Variants in RNF17 observed in about 807,000 individuals in gnomAD.
The protein encoded by RNF17 is ring finger protein 17.
A neutral mutation model predicts 200.5 loss-of-function variants in RNF17; 31 were observed. That is an observed-to-expected ratio of 0.15 (90% CI 0.12 to 0.21). RNF17 has a LOEUF of 0.21. RNF17 is among the 10% of genes least tolerant of loss of function. The pLI, the probability that RNF17 is intolerant of heterozygous loss-of-function variation, is 1.00. For synonymous variants in RNF17, 606 were observed against 637.8 expected (o/e 0.95, Z 0.75); for missense variants, 1,628 against 1,905.1 (o/e 0.85, Z 2.71).
intron 18 of RNF17, among the ~76,000 whole-genome samples, chr13:24,836,397 A>G (rs559497293): frequency 6.0e-4 from 91 of 152,348 alleles, no homozygotes; most frequent in Non-Finnish European, 1.1e-3. Context: ...ATCTTTGCCC[A>G]GACACATTGT....
At chr13:24,858,956 A>C (rs769913146) in intron 25 of RNF17, 45 bp from the exon 26 acceptor site, 45 of 1,214,366 alleles carry the variant, frequency 3.7e-5, no homozygotes, top group Non-Finnish European at 5.0e-5. Context: ...GACAAATGAT[A>C]GGGAATTTTC....
intron 15 of RNF17, among the ~76,000 whole-genome samples, chr13:24,820,577 A>G (rs1887937582): frequency 1.3e-5 from 2 of 152,012 alleles, no homozygotes. Context: ...CTGGGACTAC[A>G]GGTGCCCACC....
At chr13:24,754,423 T>G in the RNF17 span, among the ~76,000 whole-genome samples, 1 of 152,188 alleles carries the variant, frequency 6.6e-6, no homozygotes, top group Admixed American at 6.5e-5. Context: ...GTTTCTTGCC[T>G]CTGCATCTCT....
rs374437431 is a variant in RNF17 at position 24,774,840 on chromosome 13, C to T, written c.253C>T (p.Arg85Cys). 8.1e-6 allele frequency: 13 copies of T among 1,612,034 alleles called. No individual in the cohort carries two copies. The African/African-American group carries it at 9.4e-5, about 12-fold the overall frequency. Residue 85 changes from arginine (R) to cysteine (C), a missense_variant, in exon 3 of 36, where the codon CGC (arginine) becomes TGC (cysteine). Arg to Cys is a radical substitution (Grantham distance 180, BLOSUM62 -3). Around this residue, in one of 5 missense-constraint regions of RNF17, gnomAD observed 502 missense variants for 501.7 expected, o/e 1.00. Coordinates refer to ENST00000255324, the MANE Select transcript of RNF17 (RefSeq NM_031277.3). ...TGCTACAGCTGTAAATACTAGACAA[C>T]GCTACTACCCAATGGCTGGATATAT... ...EVATAVNTRQ[R>C]YYPMAGYIKE...
rs12865323 is a variant in RNF17 at position 24,799,377 on chromosome 13, G to T, written c.1400-18G>T. On this transcript the variant is annotated intron_variant, in intron 11 of 35. Transcript: ENST00000255324. ...TATTGATAAATGTTTATAACGATTT[G>T]TTTCCCTCATTATTTAGGTGCAAGA... is the stretch of plus-strand genomic sequence containing the variant. The T allele has an allele frequency of 1.3e-6, 2 of 1,577,174 alleles. No individual in the cohort carries two copies. The highest frequency in any genetic ancestry group is 1.1e-5 in the South Asian group (1 of 87,978).
chr13:24,796,253 A>G lies in RNF17; in HGVS notation c.1357A>G (p.Asn453Asp). The change falls in exon 11 of 36, where the codon AAT (asparagine) becomes GAT (aspartate). Residue 453 changes from asparagine (N) to aspartate (D), a missense_variant. Transcript: ENST00000255324. Reference sequence around the variant, plus strand: ...GGAGAAGAAGGTGAATGAATTTTGCAATAGGAGTTCACACCTTGATCCTTC... The same window carrying G: ...GGAGAAGAAGGTGAATGAATTTTGCGATAGGAGTTCACACCTTGATCCTTC... ...VLEKKVNEFC[N>D]RSSHLDPSDI... is the part of the protein sequence containing the mutation. 1.2e-6 allele frequency: 2 copies of G among 1,612,268 alleles called. No homozygotes were observed. The highest frequency in any genetic ancestry group is 1.7e-6 in the Non-Finnish European group (2 of 1,178,822).
Position 24,868,618 on chromosome 13 carries a change from A to G in RNF17, c.4180A>G (p.Thr1394Ala). ...GTTTTAGGAATTGCTTTCGGCTGAA[A>G]CAGACACTCCTCTTTTACCACCATA... The part of the protein sequence containing the change: ...IRFEELLSAE[T>A]DTPLLPPYLS... The change falls in exon 31 of 36, where the codon ACA becomes GCA. Residue 1394 changes from threonine to alanine, a missense_variant. This residue lies in a region of RNF17 where 609 missense variants were observed against 681.9 expected (regional missense o/e 0.89). Transcript: ENST00000255324. 1.9e-6 allele frequency: 3 copies of G among 1,603,012 alleles called. No individual in the cohort carries two copies. Among genetic ancestry groups the G allele is most frequent in the Non-Finnish European group, 2.6e-6 (3 of 1,169,994 alleles).
At chr13:24,811,079 T>C (rs1351265979) in intron 15 of RNF17, among the ~76,000 whole-genome samples, 1 of 152,058 alleles carries the variant, frequency 6.6e-6, no homozygotes, top group Non-Finnish European at 1.5e-5. Context: ...TTAACATTTT[T>C]TCCTTCATTT....
chr13:24,825,349 G>T (rs1243306837), intron 15 of RNF17, among the ~76,000 whole-genome samples: 1 of 152,174 alleles, frequency 6.6e-6, no homozygotes, highest in African/African-American at 2.4e-5. Context: ...AACATATACA[G>T]TGAGTGTGTG....
intron 15 of RNF17, among the ~76,000 whole-genome samples, chr13:24,823,472 T>TA (rs1460035383): frequency 2.7e-4 from 41 of 152,348 alleles, no homozygotes; most frequent in African/African-American, 9.9e-4. Flanking sequence ...TGAAGTCTGT[T>TA]GTTTCTTTGG....
chr13:24,786,182 T>C (rs1883081299), intron 6 of RNF17, among the ~76,000 whole-genome samples: 2 of 152,336 alleles, frequency 1.3e-5, no homozygotes, highest in East Asian at 3.9e-4. Context: ...TTTTTGTGCA[T>C]AGTCTGTAAA....
the RNF17 span, among the ~76,000 whole-genome samples, chr13:24,884,925 C>A: frequency 2.6e-5 from 4 of 152,188 alleles, no homozygotes; most frequent in African/African-American, 9.7e-5. Flanking sequence ...TAGCTGGAAC[C>A]CCCAGGCAGT....
intron 15 of RNF17, among the ~76,000 whole-genome samples, chr13:24,822,439 T>TG (rs1476313994): frequency 6.6e-6 from 1 of 152,076 alleles, no homozygotes; most frequent in Non-Finnish European, 1.5e-5. Context: ...GTTTTTTTTT[T>TG]GAGATGGAGT....
intron 15 of RNF17, among the ~76,000 whole-genome samples, chr13:24,809,949 T>C (rs1269630888): frequency 6.6e-6 from 1 of 152,134 alleles, no homozygotes; most frequent in Non-Finnish European, 1.5e-5. Flanking sequence ...AGTTGAGCGG[T>C]TTTGAGTGAG....
intron 11 of RNF17, among the ~76,000 whole-genome samples, chr13:24,798,777 T>C (rs1884905740): frequency 6.6e-6 from 1 of 152,058 alleles, no homozygotes; most frequent in African/African-American, 2.4e-5. Flanking sequence ...GTTTGTTTGA[T>C]CTTCTTTTTT....
chr13:24,887,608 AG>A, the RNF17 span, among the ~76,000 whole-genome samples: 1 of 152,200 alleles, frequency 6.6e-6, no homozygotes, highest in African/African-American at 2.4e-5. Flanking sequence ...AAACAAGCTC[AG>A]GGCTCCCCCT....
At chr13:24,831,801 TC>T (rs1889442610) in intron 17 of RNF17, 56 bp from the exon 18 acceptor site, 2 of 1,479,324 alleles carry the variant, frequency 1.4e-6, no homozygotes, top group Non-Finnish European at 9.2e-7. Flanking sequence ...AAACTTGAAT[TC>T]TAAAGTAGGT....
intron 15 of RNF17, among the ~76,000 whole-genome samples, chr13:24,815,011 G>A (rs1312995879): frequency 1.3e-5 from 2 of 152,142 alleles, no homozygotes; most frequent in Non-Finnish European, 2.9e-5. Context: ...GTGAGAGAGA[G>A]AGAAGGTGTG....
rs1391062126 is a variant in RNF17, at chr13:24,768,513, T to TCACCTCGTGATCCGCC, written c.225+1155_225+1170dup. ...ATTAGCCAGGATGGTCTCGATCTCC[T>TCACCTCGTGATCCGCC]CACCTCGTGATCCGCCCACCTCGGC... On this transcript the variant is annotated intron_variant, in intron 2 of 35. Coordinates refer to ENST00000255324, the MANE Select transcript of RNF17 (RefSeq NM_031277.3). Among the ~76,000 whole-genome samples, 3 of 152,096 alleles carry TCACCTCGTGATCCGCC rather than the reference T, an allele frequency of 2.0e-5. No homozygotes were observed. The East Asian group carries it at 5.8e-4, about 29-fold the overall frequency.
Sources: gnomAD v4.1 joint callset for allele counts (sites outside exome capture counted in the v4.1 genomes callset) on GRCh38, gnomAD v4.1.1 for gene constraint, gnomAD v4.1.1 regional missense constraint, MANE v1.5 for transcripts, NCBI Gene and HGNC (gene_info 2026-07-23, HGNC 2026-07-21) for gene names.